Variants in FRY observed in about 807,000 individuals in gnomAD.
FRY encodes protein furry homolog.
Under a neutral mutation model 348.4 loss-of-function variants are expected in FRY, and 128 were observed. That is an observed-to-expected ratio of 0.37 (90% CI 0.32 to 0.43). The LOEUF is 0.43. FRY is among the 20% of genes least tolerant of loss of function. The pLI is 1.00. For missense variants in FRY, 2,736 were observed against 3,695.2 expected (o/e 0.74, Z 6.73); for synonymous variants, 1,370 against 1,374.7 (o/e 1.00, Z 0.08).
intron 28 of FRY, among the ~76,000 whole-genome samples, chr13:32,191,388 A>C (rs1209345768): frequency 6.6e-6 from 1 of 152,252 alleles, no homozygotes. Flanking sequence ...ACACACAGTC[A>C]GCAGAGGGTT....
At chr13:32,199,921 T>C (rs1883904844) in intron 29 of FRY, among the ~76,000 whole-genome samples, 1 of 152,190 alleles carries the variant, frequency 6.6e-6, no homozygotes. Flanking sequence ...GAAAGCAATT[T>C]ATTCCTTGCA....
At chr13:32,250,539 G>A (rs1887022106) in intron 49 of FRY, among the ~76,000 whole-genome samples, 1 of 152,184 alleles carries the variant, frequency 6.6e-6, no homozygotes, top group East Asian at 1.9e-4. Flanking sequence ...ATGGTCTTTG[G>A]CTCTGATGAC....
chr13:32,254,189 G>C, intron 50 of FRY, 35 bp from the exon 51 acceptor site: 15 of 1,610,642 alleles, frequency 9.3e-6, no homozygotes, highest in Non-Finnish European at 1.3e-5. Flanking sequence ...ACCAAAGGGA[G>C]AACGGTTTCT....
intron 1 of FRY, among the ~76,000 whole-genome samples, 166 bp downstream of exon 1, chr13:32,032,031 C>CTTTCTTTCTTTCTTTCTT (rs1872264953): frequency 7.3e-5 from 10 of 137,830 alleles, no homozygotes; most frequent in African/African-American, 2.7e-4. Context: ...CTTTTTCTTT[C>CTTTCTTTCTTTCTTTCTT]TTTCTTTCTT....
At chr13:32,109,527 T>C (rs1174992414) in intron 3 of FRY, among the ~76,000 whole-genome samples, 2 of 152,036 alleles carry the variant, frequency 1.3e-5, no homozygotes, top group African/African-American at 2.4e-5. Flanking sequence ...GATGAACAAA[T>C]TGGGCCAGGG....
intron 53 of FRY, among the ~76,000 whole-genome samples, chr13:32,264,573 T>TCCTCTC (rs1338714342): frequency 6.6e-6 from 1 of 152,132 alleles, no homozygotes; most frequent in Non-Finnish European, 1.5e-5. Flanking sequence ...TTGCCTTCCT[T>TCCTCTC]CCTCTCCTAA....
chr13:32,287,825 T>C (rs1889151063), intron 58 of FRY: 2 of 1,288,690 alleles, frequency 1.6e-6, no homozygotes, highest in African/African-American at 1.5e-5. Flanking sequence ...CCCTGTACTT[T>C]CTTTCCTTTC....
At chr13:32,273,442 T>G (rs953092894) in intron 55 of FRY, among the ~76,000 whole-genome samples, 1 of 152,136 alleles carries the variant, frequency 6.6e-6, no homozygotes, top group Non-Finnish European at 1.5e-5. Flanking sequence ...CAGGATGGTC[T>G]CGATCTCCTG....
chr13:32,061,515 ATAAT>A (rs1332668971), intron 1 of FRY, among the ~76,000 whole-genome samples: 1 of 152,216 alleles, frequency 6.6e-6, no homozygotes, highest in Non-Finnish European at 1.5e-5. Context: ...TATTTGAAAA[ATAAT>A]TAATAGCATC....
At chr13:32,050,241 G>A (rs1037773623) in intron 1 of FRY, among the ~76,000 whole-genome samples, 3 of 152,096 alleles carry the variant, frequency 2.0e-5, no homozygotes, top group Non-Finnish European at 1.5e-5. Flanking sequence ...GGATTACTTC[G>A]GTATAGTTTT....
Position 32,149,735 on chromosome 13 carries a change from GTTTTTACTACAGGAACGT to G in FRY, c.1393-10_1400del. The G allele has an allele frequency of 6.6e-7, 1 of 1,511,490 alleles. No homozygotes were observed. Among genetic ancestry groups the G allele is most frequent in the Non-Finnish European group, 9.2e-7 (1 of 1,086,976 alleles). The allele number at this position is 1,511,490 out of a possible 1,614,324, so 93.6% of individuals were successfully genotyped here. A position where few individuals can be genotyped will look rare whatever the true frequency, so the allele number is the denominator to read the frequency against. ...TTTAACACTTTCATTTTGTGTTCTT[GTTTTTACTACAGGAACGT>G]TTAGATTTTGCAATGAAAGAAATCA... On this transcript the variant is annotated splice_acceptor_variant and splice_polypyrimidine_tract_variant and coding_sequence_variant and intron_variant, in exon 14 of 61. Transcript: ENST00000542859. LOFTEE classifies it high-confidence loss of function.
At chr13:32,130,817 ATT>A (rs34805416) in intron 7 of FRY, among the ~76,000 whole-genome samples, 16,145 of 143,536 alleles carry the variant, frequency 0.11, 882 homozygotes, top group Admixed American at 0.15. Flanking sequence ...CCATTACTAG[ATT>A]TTTTTTTTTT....
intron 3 of FRY, among the ~76,000 whole-genome samples, chr13:32,114,363 T>A (rs912769688): frequency 6.6e-6 from 1 of 152,184 alleles, no homozygotes; most frequent in Non-Finnish European, 1.5e-5. Flanking sequence ...TGTGTTGGGC[T>A]TTTTTAGTGG....
chr13:32,113,819 C>T (rs535892272), intron 3 of FRY, among the ~76,000 whole-genome samples: 1 of 152,286 alleles, frequency 6.6e-6, no homozygotes, highest in Admixed American at 6.5e-5. Context: ...ACCCTTCCTT[C>T]CTGAAAGCCT....
Position 32,276,521 on chromosome 13 carries a change from TA to T in FRY, c.8345del (p.Tyr2782PhefsTer31). On this transcript the variant is annotated frameshift_variant, in exon 57 of 61. Coordinates refer to ENST00000542859, the MANE Select transcript of FRY (RefSeq NM_023037.3). LOFTEE classifies it high-confidence loss of function. ...LKFSVLELQE[Y>X]LDTYNNRKEA... ...GTTCAGTGTGTTAGAACTGCAAGAA[TA>T]TTTGGATACCTACAACAACAGGAAA... is the stretch of plus-strand genomic sequence containing the variant. The T allele has an allele frequency of 6.2e-7, 1 of 1,605,580 alleles. No homozygotes were observed. The highest frequency in any genetic ancestry group is 8.5e-7 in the Non-Finnish European group (1 of 1,172,206).
chr13:32,084,434 G>A (rs145953328), intron 2 of FRY, among the ~76,000 whole-genome samples: 1 of 152,194 alleles, frequency 6.6e-6, no homozygotes, highest in Non-Finnish European at 1.5e-5. Context: ...GTTTATGCAT[G>A]CTGACCCCTC....
chr13:32,094,656 A>G (rs1190102745), intron 2 of FRY, among the ~76,000 whole-genome samples: 2 of 152,182 alleles, frequency 1.3e-5, no homozygotes, highest in African/African-American at 4.8e-5. Flanking sequence ...AATGACCTCC[A>G]GTTCCATCCA....
chr13:32,100,939 C>T (rs1373465859), intron 2 of FRY, among the ~76,000 whole-genome samples: 2 of 152,144 alleles, frequency 1.3e-5, no homozygotes, highest in East Asian at 3.9e-4. Flanking sequence ...CCAAAGGCCC[C>T]ACCTCTTAAC....
At chr13:32,254,120 G>C (rs1057368434) in intron 50 of FRY, 104 bp from the exon 51 acceptor site, 1 of 975,540 alleles carries the variant, frequency 1.0e-6, no homozygotes, top group Non-Finnish European at 1.7e-6. Flanking sequence ...AAGGAATTAG[G>C]TGTGTACTGG....
Sources: allele counts gnomAD v4.1 joint callset (sites outside exome capture counted in the v4.1 genomes callset), GRCh38; gene constraint gnomAD v4.1.1; transcripts MANE v1.5; gene names NCBI Gene and HGNC (gene_info 2026-07-23, HGNC 2026-07-21).